Variants in DRGX observed in about 807,000 individuals in gnomAD.
The protein encoded by DRGX is dorsal root ganglia homeobox.
A neutral mutation model predicts 28.6 loss-of-function variants in DRGX; 21 were observed. That is an observed-to-expected ratio of 0.73 (90% confidence interval 0.52 to 1.06). DRGX has a LOEUF of 1.06. Ranked by LOEUF, DRGX falls within the 50% of genes least tolerant of loss-of-function variation. The pLI is 0.00. For synonymous variants in DRGX, 136 were observed against 139.1 expected (o/e 0.98, Z 0.16); for missense variants, 354 against 343.9 (o/e 1.03, Z -0.23).
intron 2 of DRGX, among the ~76,000 whole-genome samples, chr10:49,391,574 C>T (rs927756868): frequency 1.3e-5 from 2 of 152,178 alleles, no homozygotes; most frequent in Non-Finnish European, 2.9e-5. Flanking sequence ...AGAGCCTTCA[C>T]GTGCTCTCCA....
intron 6 of DRGX, among the ~76,000 whole-genome samples, chr10:49,373,829 G>A (rs1849689678): frequency 6.6e-6 from 1 of 152,070 alleles, no homozygotes; most frequent in African/African-American, 2.4e-5. Flanking sequence ...TATGCATGTA[G>A]TGTACATATA....
Position 49,366,057 on chromosome 10 carries a change from G to A in DRGX, c.*59C>T, listed in dbSNP as rs1849594730. The stretch of plus-strand genomic sequence containing the variant: ...GCTATTTGGAGAGTTTTCTGTAGGG[G>A]CTGAGGCTGGGAGAAGGAGGGGCGG... On this transcript the variant is annotated 3_prime_UTR_variant, in exon 7 of 7. Transcript: ENST00000374139. The A allele has an allele frequency of 1.3e-6, 2 of 1,497,322 alleles. No homozygotes were observed. Among genetic ancestry groups the A allele is most frequent in the Admixed American group, 2.2e-5 (1 of 45,420 alleles). The allele number at this position is 1,497,322 out of a possible 1,614,324, so 92.8% of individuals were successfully genotyped here. A position where few individuals can be genotyped will look rare whatever the true frequency, so the allele number is the denominator to read the frequency against.
At chr10:49,386,881 C>T (rs2132483133) in intron 4 of DRGX, 23 bp from the exon 5 acceptor site, 2 of 1,521,606 alleles carry the variant, frequency 1.3e-6, no homozygotes, top group East Asian at 2.3e-5. Flanking sequence ...TGGAAACATA[C>T]ACCCAGTGAA....
intron 6 of DRGX, among the ~76,000 whole-genome samples, chr10:49,368,523 A>C (rs970839346): frequency 2.0e-5 from 3 of 152,244 alleles, no homozygotes; most frequent in African/African-American, 7.2e-5. Context: ...ACACCCTGAC[A>C]CCAGTCACTG....
intron 6 of DRGX, among the ~76,000 whole-genome samples, chr10:49,381,495 G>C (rs1369554894): frequency 6.6e-6 from 1 of 152,248 alleles, no homozygotes; most frequent in South Asian, 2.1e-4. Context: ...ACCCTGCTGT[G>C]CTAGCATCCC....
At chr10:49,369,980 C>A (rs1438451029) in intron 6 of DRGX, among the ~76,000 whole-genome samples, 1 of 152,096 alleles carries the variant, frequency 6.6e-6, no homozygotes, top group Non-Finnish European at 1.5e-5. Context: ...ACCGCACTCA[C>A]CGGGCCTTTG....
chr10:49,391,187 G>A lies in DRGX; in HGVS notation c.109C>T (p.Arg37Trp). 6.2e-7 allele frequency: 1 copy of A among 1,613,266 alleles called. No homozygotes were observed. Among genetic ancestry groups the A allele is most frequent in the Non-Finnish European group, 8.5e-7 (1 of 1,179,620 alleles). ...ACCTGCTGAAGAGTGAACGTCGTCC[G>A]GTTCCGGCGCTGTTTTCTACGCAGA... ...GFLRRKQRRN[R>W]TTFTLQQLEA... Residue 37 changes from arginine (R) to tryptophan (W), a missense_variant, in exon 3 of 7, where the codon CGG (arginine) becomes TGG (tryptophan). Transcript: ENST00000374139.
In DRGX at chr10:49,366,431, T is replaced by A. The variant is rs1219116299; in HGVS notation, c.527-50A>T. 1.9e-6 allele frequency: 3 copies of A among 1,543,292 alleles called. No individual in the cohort carries two copies. The African/African-American group carries it at 4.1e-5, about 21-fold the overall frequency. ...CCCATCACTGTCTACTTTCTGCCTC[T>A]CAGGGCTGGGTGACAGGAAACGATC... On this transcript the variant is annotated intron_variant, in intron 6 of 6. Transcript: ENST00000374139.
intron 6 of DRGX, among the ~76,000 whole-genome samples, chr10:49,383,507 G>A (rs890341460): frequency 6.6e-6 from 1 of 152,196 alleles, no homozygotes; most frequent in African/African-American, 2.4e-5. Flanking sequence ...AAACAGCAGG[G>A]CCATGGCAGG....
At chr10:49,369,367 C>G (rs981467752) in intron 6 of DRGX, among the ~76,000 whole-genome samples, 11 of 152,094 alleles carry the variant, frequency 7.2e-5, no homozygotes, top group African/African-American at 2.7e-4. Context: ...AGCCAAGGAC[C>G]CTGTGGTTAA....
chr10:49,384,495 C>G (rs564896254), intron 6 of DRGX, among the ~76,000 whole-genome samples: 1 of 152,188 alleles, frequency 6.6e-6, no homozygotes, highest in Non-Finnish European at 1.5e-5. Context: ...AAGGCAGCAA[C>G]AGAGAAAAGT....
intron 6 of DRGX, among the ~76,000 whole-genome samples, chr10:49,376,461 C>G (rs886164111): frequency 6.6e-6 from 1 of 152,182 alleles, no homozygotes; most frequent in African/African-American, 2.4e-5. Context: ...ACCCCAGTCA[C>G]CATGCACTGG....
chr10:49,388,554 G>A (rs917635769), intron 4 of DRGX, among the ~76,000 whole-genome samples: 3 of 152,232 alleles, frequency 2.0e-5, no homozygotes, highest in Non-Finnish European at 4.4e-5. Context: ...ATTTAGGGCA[G>A]TTAAATGCAA....
At position 49,386,810 on chromosome 10, in the gene DRGX, C is replaced by G. The variant is rs769487075; in HGVS notation, c.283G>C (p.Ala95Pro). The G allele has an allele frequency of 6.3e-7, 1 of 1,598,658 alleles. No homozygotes were observed. Among genetic ancestry groups the G allele is most frequent in the East Asian group, 2.2e-5 (1 of 44,684 alleles). Residue 95 changes from alanine (A) to proline (P), a missense_variant, in exon 5 of 7, where the codon GCC becomes CCC. Physicochemically the swap from Ala to Pro is conservative, Grantham distance 27. Transcript: ENST00000374139. The part of the protein sequence containing the change: ...RAKWRKTERG[A>P]SDQEPGAKEP... The stretch of plus-strand genomic sequence containing the variant: ...TTGGCTCCTGGCTCCTGGTCTGAGG[C>G]CCCTCTCTCTGTCTTCCTCCATTTG...
At chr10:49,379,467 C>A (rs987692503) in intron 6 of DRGX, among the ~76,000 whole-genome samples, 1 of 152,032 alleles carries the variant, frequency 6.6e-6, no homozygotes, top group African/African-American at 2.4e-5. Context: ...AGGAAAACAT[C>A]GTTAAAGAAG....
intron 3 of DRGX, among the ~76,000 whole-genome samples, chr10:49,390,531 A>C (rs1324303587): frequency 2.6e-5 from 4 of 152,326 alleles, no homozygotes; most frequent in Non-Finnish European, 5.9e-5. Flanking sequence ...TCAAAAAAAA[A>C]CTAACAGTCA....
intron 6 of DRGX, among the ~76,000 whole-genome samples, chr10:49,375,119 A>G (rs1348983484): frequency 6.6e-6 from 1 of 152,230 alleles, no homozygotes; most frequent in African/African-American, 2.4e-5. Context: ...ACAAAAAACA[A>G]GGCCAAATTC....
intron 6 of DRGX, among the ~76,000 whole-genome samples, chr10:49,381,327 C>T (rs1849773965): frequency 6.6e-6 from 1 of 152,216 alleles, no homozygotes; most frequent in East Asian, 1.9e-4. Flanking sequence ...TCCACCTGGC[C>T]AGCCTCATTG....
intron 6 of DRGX, among the ~76,000 whole-genome samples, chr10:49,381,212 A>T (rs1214743215): frequency 1.3e-5 from 2 of 152,182 alleles, no homozygotes; most frequent in Non-Finnish European, 2.9e-5. Context: ...TCCTGACTCG[A>T]GGCAGCCAGT....
Sources: allele counts gnomAD v4.1 joint callset (sites outside exome capture counted in the v4.1 genomes callset), GRCh38; gene constraint gnomAD v4.1.1; transcripts MANE v1.5; gene names NCBI Gene and HGNC (gene_info 2026-07-23, HGNC 2026-07-21).